Variants in ERC1 observed in about 807,000 individuals in gnomAD.
ERC1 encodes the protein RAB6 interacting protein 2.
A neutral mutation model predicts 132.0 loss-of-function variants in ERC1; 56 were observed. The observed-to-expected ratio is 0.42, with a 90% CI of 0.34 to 0.53. The LOEUF (loss-of-function observed/expected upper bound fraction) is 0.53. Among genes scored for constraint, ERC1 ranks in the 20% least tolerant of loss-of-function variants. The pLI, the probability that ERC1 is intolerant of heterozygous loss-of-function variation, is 0.03. For synonymous variants in ERC1, 478 were observed against 476.1 expected, an observed-to-expected ratio of 1.00 and a Z score of -0.05; for missense variants, 1,202 against 1,349.9, an observed-to-expected ratio of 0.89 and a Z score of 1.72.
At chr12:1,334,019 A>G (rs928477476) in intron 15 of ERC1, among the ~76,000 whole-genome samples, 1 of 151,966 alleles carries the variant, frequency 6.6e-6, no homozygotes, top group East Asian at 1.9e-4. Context: ...AGCTTTTTTC[A>G]TGTGCTTCTT....
rs572834066 is a variant in ERC1, at chr12:1,143,779, G to A, written c.1737+1992G>A. 2.6e-5 allele frequency among the ~76,000 whole-genome samples: 4 copies of A among 151,750 alleles called. No homozygotes were observed. In the South Asian group the frequency reaches 6.2e-4, roughly 24 times the overall value. On this transcript the variant is annotated intron_variant, in intron 8 of 18. Coordinates refer to ENST00000360905, the MANE Select transcript of ERC1 (RefSeq NM_178040.4). ...TTTTGTTTCTCAGAAATGTTTTAAT[G>A]TTTCCTTCATAATAGATTTTATACA...
intron 18 of ERC1, among the ~76,000 whole-genome samples, chr12:1,465,056 C>A (rs918934389): frequency 6.6e-6 from 1 of 152,124 alleles, no homozygotes; most frequent in African/African-American, 2.4e-5. Flanking sequence ...TCCCTGAGCT[C>A]CTGCAGGAAG....
At chr12:1,368,585 T>C (rs1356550499) in intron 15 of ERC1, among the ~76,000 whole-genome samples, 1 of 152,160 alleles carries the variant, frequency 6.6e-6, no homozygotes, top group Non-Finnish European at 1.5e-5. Flanking sequence ...TGGTCCTTTC[T>C]AAGAGATGGA....
intron 18 of ERC1, among the ~76,000 whole-genome samples, chr12:1,475,833 G>A (rs533632832): frequency 1.1e-3 from 174 of 152,064 alleles, no homozygotes; most frequent in Non-Finnish European, 1.8e-3. Context: ...CAAGGATATC[G>A]GAAATGAAAA....
chr12:1,019,146 C>A (rs74776893), intron 1 of ERC1, among the ~76,000 whole-genome samples: 3,785 of 152,240 alleles, frequency 0.025, 148 homozygotes, highest in African/African-American at 0.086. Flanking sequence ...TTTTTTGAGA[C>A]AACGTCTGGC....
chr12:1,229,912 C>T (rs945471556), intron 12 of ERC1, among the ~76,000 whole-genome samples: 6 of 151,656 alleles, frequency 4.0e-5, no homozygotes, highest in Non-Finnish European at 8.8e-5. Flanking sequence ...AGTTTATTGC[C>T]ATAAACTTGT....
chr12:1,303,358 C>T (rs2080561654), intron 15 of ERC1, among the ~76,000 whole-genome samples: 2 of 152,166 alleles, frequency 1.3e-5, no homozygotes, highest in South Asian at 4.1e-4. Flanking sequence ...CTTTACCGGC[C>T]GGGCGCCGTG....
At chr12:1,309,839 G>A (rs1336665624) in intron 15 of ERC1, among the ~76,000 whole-genome samples, 1 of 151,686 alleles carries the variant, frequency 6.6e-6, no homozygotes, top group Non-Finnish European at 1.5e-5. Context: ...CTGTGTGACT[G>A]TAAGCAAGTT....
chr12:1,026,997 C>G (rs1966997875), intron 1 of ERC1, among the ~76,000 whole-genome samples: 1 of 152,170 alleles, frequency 6.6e-6, no homozygotes, highest in African/African-American at 2.4e-5. Flanking sequence ...AGAACTAAAT[C>G]TTAGCAGTGT....
At chr12:1,207,458 T>A (rs542915479) in intron 12 of ERC1, among the ~76,000 whole-genome samples, 1 of 152,342 alleles carries the variant, frequency 6.6e-6, no homozygotes, top group East Asian at 1.9e-4. Context: ...TTCCTTTCGC[T>A]TTTTTAAGCA....
rs1026732258 is a variant in ERC1 at position 1,181,734 on chromosome 12, GAT to G, written c.1876-190_1876-189del. ...AGAGGCAGAGGTTATGGTGAGCCGAGATCACGCCATTACACTCGAGCCTAGGC... is the reference window on the plus strand; with the variant it reads ...AGAGGCAGAGGTTATGGTGAGCCGAGCACGCCATTACACTCGAGCCTAGGC... On this transcript the variant is annotated intron_variant, in intron 9 of 18. Coordinates refer to ENST00000360905, the MANE Select transcript of ERC1 (RefSeq NM_178040.4). Among the ~76,000 whole-genome samples, 6 of 149,258 alleles carry G rather than the reference GAT, an allele frequency of 4.0e-5. No individual in the cohort carries two copies. The Admixed American group carries it at 4.0e-4, about 10-fold the overall frequency.
intron 12 of ERC1, among the ~76,000 whole-genome samples, chr12:1,220,183 A>G (rs1958842957): frequency 6.6e-6 from 1 of 152,200 alleles, no homozygotes; most frequent in Non-Finnish European, 1.5e-5. Flanking sequence ...ACTGTTTGTC[A>G]CATCCAGTGT....
intron 15 of ERC1, among the ~76,000 whole-genome samples, chr12:1,322,222 G>T (rs548097089): frequency 5.6e-5 from 8 of 143,722 alleles, no homozygotes; most frequent in African/African-American, 2.1e-4. Flanking sequence ...TCATAAGAAT[G>T]CTGTAAACAT....
intron 18 of ERC1, among the ~76,000 whole-genome samples, chr12:1,469,852 GCCCCACCCCA>G (rs146024415): frequency 1.4e-5 from 2 of 147,970 alleles, no homozygotes; most frequent in African/African-American, 2.5e-5. Flanking sequence ...GCAACTCCAG[GCCCCACCCCA>G]CCCCACCCCC....
At chr12:1,013,538 G>T (rs1037312670) in intron 1 of ERC1, among the ~76,000 whole-genome samples, 3 of 152,020 alleles carry the variant, frequency 2.0e-5, no homozygotes, top group Middle Eastern at 3.2e-3. Context: ...AGATAGGTAT[G>T]CTCTGAAACA....
At chr12:1,293,250 T>C (rs1277541533) in intron 15 of ERC1, among the ~76,000 whole-genome samples, 1 of 150,772 alleles carries the variant, frequency 6.6e-6, no homozygotes, top group African/African-American at 2.4e-5. Flanking sequence ...GTCAGAAGAT[T>C]GAGACCATCC....
chr12:1,361,509 G>A (rs1380716181), intron 15 of ERC1, among the ~76,000 whole-genome samples: 1 of 151,954 alleles, frequency 6.6e-6, no homozygotes. Flanking sequence ...ATGAGTTTTG[G>A]GTGCCACCTT....
At chr12:1,047,307 T>C (rs1326664851) in intron 2 of ERC1, among the ~76,000 whole-genome samples, 1 of 152,192 alleles carries the variant, frequency 6.6e-6, no homozygotes, top group Non-Finnish European at 1.5e-5. Context: ...AATTTAAAAA[T>C]AAAACATTTA....
intron 18 of ERC1, chr12:1,444,998 G>T (rs886681353): frequency 3.7e-5 from 14 of 383,294 alleles, no homozygotes; most frequent in African/African-American, 2.5e-4. Context: ...ATTTTTAATT[G>T]ATTTTTTACT....
Sources: gnomAD v4.1 joint callset for allele counts (sites outside exome capture counted in the v4.1 genomes callset) on GRCh38, gnomAD v4.1.1 for gene constraint, MANE v1.5 for transcripts, NCBI Gene and HGNC (gene_info 2026-07-23, HGNC 2026-07-21) for gene names.